Variants in NPY1R observed in about 807,000 individuals in gnomAD.
NPY1R encodes neuropeptide Y receptor Y1.
A neutral mutation model predicts 24.1 loss-of-function variants in NPY1R; 10 were observed. The observed-to-expected ratio is 0.42, with a 90% CI of 0.26 to 0.71. The LOEUF (loss-of-function observed/expected upper bound fraction) is 0.71, where lower values mean the gene tolerates loss of function less well. Ranked by LOEUF, NPY1R falls within the 30% of genes least tolerant of loss-of-function variation. The pLI is 0.28. For missense variants in NPY1R, 350 were observed against 458.0 expected (o/e 0.76, Z 2.15); for synonymous variants, 168 against 165.9 (o/e 1.01, Z -0.10).
At chr4:163,342,112 T>C (rs935077807) in intron 1 of NPY1R, among the ~76,000 whole-genome samples, 1 of 152,230 alleles carries the variant, frequency 6.6e-6, no homozygotes, top group African/African-American at 2.4e-5. Flanking sequence ...TTAATTAGAA[T>C]CTTTGTATCA....
chr4:163,337,539 G>A (rs1051706133), upstream of NPY1R, among the ~76,000 whole-genome samples: 2 of 152,108 alleles, frequency 1.3e-5, no homozygotes, highest in African/African-American at 4.8e-5. Context: ...CTTTGAGTCA[G>A]CCTGTCCCGC....
chr4:163,328,014 A>G (rs192436681), intron 1 of NPY1R, among the ~76,000 whole-genome samples: 1 of 152,260 alleles, frequency 6.6e-6, no homozygotes, highest in African/African-American at 2.4e-5. Context: ...TTAATGAACA[A>G]GAAATGCATT....
chr4:163,339,636 C>T (rs1490819261), intron 1 of NPY1R, among the ~76,000 whole-genome samples: 1 of 152,052 alleles, frequency 6.6e-6, no homozygotes, highest in Non-Finnish European at 1.5e-5. Context: ...ACAAATCAAG[C>T]CCATTTGTTC....
intron 1 of NPY1R, among the ~76,000 whole-genome samples, chr4:163,329,843 G>A (rs2110795105): frequency 1.3e-5 from 2 of 151,798 alleles, no homozygotes; most frequent in Admixed American, 1.3e-4. Flanking sequence ...AAATAAGGGA[G>A]GGACTCTTAG....
rs974086849 is a variant in NPY1R, at chr4:163,324,764, A to G, written c.*539T>C. ...TGAAAAAAAAAAAAAACAAACAAAAACCACCAAAAAACAGAAACCTCAAAC... is the reference window on the plus strand; with the variant it reads ...TGAAAAAAAAAAAAAACAAACAAAAGCCACCAAAAAACAGAAACCTCAAAC... On this transcript the variant is annotated 3_prime_UTR_variant, in exon 3 of 3. Coordinates refer to ENST00000296533, the MANE Select transcript of NPY1R (RefSeq NM_000909.6). The G allele has an allele frequency of 6.6e-6, 1 of 151,190 alleles. No homozygotes were observed. The highest frequency in any genetic ancestry group is 2.4e-5 in the African/African-American group (1 of 41,192). 9.4% of individuals were successfully genotyped at this position (151,190 alleles called of 1,614,324 possible).
chr4:163,343,869 C>G (rs1482906744), intron 1 of NPY1R: 1 of 152,794 alleles, frequency 6.5e-6, no homozygotes, highest in African/African-American at 2.4e-5. Context: ...CCGTTAAACC[C>G]CCGCCCCCTC....
At chr4:163,342,572 A>G (rs1359277989) in intron 1 of NPY1R, among the ~76,000 whole-genome samples, 1 of 152,220 alleles carries the variant, frequency 6.6e-6, no homozygotes, top group Non-Finnish European at 1.5e-5. Context: ...CAGAAATAAC[A>G]CACAGAAGAA....
intron 1 of NPY1R, among the ~76,000 whole-genome samples, chr4:163,341,441 C>T (rs1734978467): frequency 6.6e-6 from 1 of 152,128 alleles, no homozygotes; most frequent in Non-Finnish European, 1.5e-5. Flanking sequence ...TACCAAAACA[C>T]TTTAGTAATT....
rs1392633945 is a variant in NPY1R at position 163,326,630 on chromosome 4, G to A, written c.-76C>T. ...TTCTTCAAAGCAGGTCAACTGTTCAGCTTATTCTTATTCCCCATATTGGAA... is the reference window on the plus strand; with the variant it reads ...TTCTTCAAAGCAGGTCAACTGTTCAACTTATTCTTATTCCCCATATTGGAA... On this transcript the variant is annotated 5_prime_UTR_variant, in exon 2 of 3. Transcript: ENST00000296533. 6.7e-6 allele frequency: 6 copies of A among 894,862 alleles called. No individual in the cohort carries two copies. Among genetic ancestry groups the A allele is most frequent in the Non-Finnish European group, 1.0e-5 (6 of 579,888 alleles). 55.4% of individuals were successfully genotyped at this position (894,862 alleles called of 1,614,324 possible).
intron 1 of NPY1R, among the ~76,000 whole-genome samples, chr4:163,331,414 G>C (rs1416409678): frequency 6.6e-6 from 1 of 151,914 alleles, no homozygotes; most frequent in Non-Finnish European, 1.5e-5. Context: ...CTGTTGGCAC[G>C]CTTACCCACC....
chr4:163,333,916 T>C (rs953316931), upstream of NPY1R, among the ~76,000 whole-genome samples: 1 of 152,150 alleles, frequency 6.6e-6, no homozygotes. Flanking sequence ...TATTAGTGTA[T>C]AACAACAGAT....
chr4:163,334,924 C>T (rs116521987), upstream of NPY1R, among the ~76,000 whole-genome samples: 656 of 150,248 alleles, frequency 4.4e-3, 7 homozygotes, highest in African/African-American at 0.015. Flanking sequence ...TTAGGAATAC[C>T]ATTTACTAGG....
intron 1 of NPY1R, among the ~76,000 whole-genome samples, chr4:163,329,885 A>T (rs1385599623): frequency 1.3e-5 from 2 of 152,044 alleles, no homozygotes; most frequent in Non-Finnish European, 2.9e-5. Flanking sequence ...AGAGGGGGGT[A>T]CAGACTGTAG....
chr4:163,342,282 G>A (rs551605544), intron 1 of NPY1R, among the ~76,000 whole-genome samples: 3 of 152,328 alleles, frequency 2.0e-5, no homozygotes, highest in Admixed American at 6.5e-5. Flanking sequence ...TGTTTTGAAA[G>A]TCACAATGGG....
chr4:163,333,673 G>A (rs2110806456), upstream of NPY1R, among the ~76,000 whole-genome samples: 1 of 152,188 alleles, frequency 6.6e-6, no homozygotes, highest in Non-Finnish European at 1.5e-5. Flanking sequence ...CAAGACAAGT[G>A]GACTCATCTG....
chr4:163,326,564 T>C lies in NPY1R; in HGVS notation c.-10A>G. 1 of 1,550,220 alleles carries C rather than the reference T, an allele frequency of 6.5e-7. No individual in the cohort carries two copies. On this transcript the variant is annotated 5_prime_UTR_variant, in exon 2 of 3. Coordinates refer to ENST00000296533, the MANE Select transcript of NPY1R (RefSeq NM_000909.6). ...ATAATGTTGAATTCATTTTGATTGGTTTGGTTGTTATAGATTATTTTAGAC... is the reference window on the plus strand; with the variant it reads ...ATAATGTTGAATTCATTTTGATTGGCTTGGTTGTTATAGATTATTTTAGAC...
rs867103301 is a variant in NPY1R at position 163,325,436 on chromosome 4, C to T, written c.1022G>A (p.Arg341Gln). ...TGTTTCATAATCATCATCCCGAGAC[C>T]GGAAATCACAAAAGTTGAAGAAGAA... ...LQFFFNFCDF[R>Q]SRDDDYETIA... The change falls in exon 3 of 3, where the codon CGG (arginine) becomes CAG (glutamine). Residue 341 changes from arginine (R) to glutamine (Q), a missense_variant. Transcript: ENST00000296533. The T allele has an allele frequency of 8.7e-6, 14 of 1,613,732 alleles. No individual in the cohort carries two copies. Among genetic ancestry groups the T allele is most frequent in the African/African-American group, 2.7e-5 (2 of 74,824 alleles).
intron 1 of NPY1R, among the ~76,000 whole-genome samples, chr4:163,332,031 C>G (rs941566300): frequency 6.6e-6 from 1 of 152,220 alleles, no homozygotes; most frequent in African/African-American, 2.4e-5. Flanking sequence ...CCACCCTTCT[C>G]CGGCTCATCC....
At chr4:163,334,027 T>TTA (rs397767332), upstream of NPY1R, among the ~76,000 whole-genome samples, 2 of 151,648 alleles carry the variant, frequency 1.3e-5, no homozygotes, top group African/African-American at 2.4e-5. Context: ...CTTTTTTTTT[T>TTA]AACCAAGGCA....
Sources: gnomAD v4.1 joint callset for allele counts (sites outside exome capture counted in the v4.1 genomes callset) on GRCh38, gnomAD v4.1.1 for gene constraint, MANE v1.5 for transcripts, NCBI Gene and HGNC (gene_info 2026-07-23, HGNC 2026-07-21) for gene names.